DNAI7: variants seen among roughly 807,000 people sequenced by gnomAD.
The protein encoded by DNAI7 is cancer susceptibility 1.
In DNAI7, 78 loss-of-function variants were observed where a neutral mutation model predicts 86.6. The observed-to-expected ratio is 0.90, with a 90% CI of 0.75 to 1.09. The LOEUF is 1.09. Among genes scored for constraint, DNAI7 ranks in the 50% least tolerant of loss-of-function variants. The pLI is 0.00. For missense variants in DNAI7, 753 were observed against 810.2 expected, an observed-to-expected ratio of 0.93 and a Z score of 0.86; for synonymous variants, 274 against 273.0, an observed-to-expected ratio of 1.00 and a Z score of -0.04.
chr12:25,148,448 T>C (rs1172867085), intron 7 of DNAI7, among the ~76,000 whole-genome samples: 2 of 152,226 alleles, frequency 1.3e-5, no homozygotes, highest in Admixed American at 1.3e-4. Flanking sequence ...CAATCTGAGG[T>C]CAAATACTTT....
At chr12:25,159,700 G>A (rs574465653) in intron 3 of DNAI7, among the ~76,000 whole-genome samples, 7 of 152,062 alleles carry the variant, frequency 4.6e-5, no homozygotes, top group Non-Finnish European at 1.0e-4. Context: ...AAAATGTGAA[G>A]TACATATTGA....
intron 9 of DNAI7, among the ~76,000 whole-genome samples, chr12:25,134,902 A>G (rs1210295773): frequency 6.6e-6 from 1 of 152,198 alleles, no homozygotes; most frequent in Non-Finnish European, 1.5e-5. Flanking sequence ...TCAGTATTGT[A>G]GTGGATTCAT....
chr12:25,133,608 G>T (rs191559513), intron 9 of DNAI7, among the ~76,000 whole-genome samples: 1 of 152,090 alleles, frequency 6.6e-6, no homozygotes, highest in African/African-American at 2.4e-5. Context: ...GGGGTTCTTC[G>T]GCTTCTGTGG....
At chr12:25,157,837 AT>A (rs66535304) in intron 4 of DNAI7, among the ~76,000 whole-genome samples, 70,799 of 143,182 alleles carry the variant, frequency 0.49, 16,909 homozygotes, top group East Asian at 0.78. Flanking sequence ...AATATTTTGA[AT>A]TTTTTTTTTT....
chr12:25,123,335 T>A, intron 9 of DNAI7, 49 bp from the exon 10 acceptor site: 1 of 1,267,164 alleles, frequency 7.9e-7, no homozygotes, highest in Non-Finnish European at 1.1e-6. Context: ...GTCTACATAG[T>A]ACAGTCATTG....
At chr12:25,116,209 T>C (rs1323857188) in intron 12 of DNAI7, among the ~76,000 whole-genome samples, 4 of 152,044 alleles carry the variant, frequency 2.6e-5, no homozygotes, top group African/African-American at 9.7e-5. Flanking sequence ...TGGAGGGTTC[T>C]GTTGACAAGT....
At chr12:25,184,133 A>G (rs941329723) in intron 2 of DNAI7, among the ~76,000 whole-genome samples, 3 of 152,234 alleles carry the variant, frequency 2.0e-5, no homozygotes, top group Admixed American at 6.5e-5. Context: ...TATAATTCAC[A>G]TACCATGTAA....
chr12:25,117,934 TTTTC>T (rs199775530), intron 12 of DNAI7, among the ~76,000 whole-genome samples: 1 of 73,672 alleles, frequency 1.4e-5, no homozygotes, highest in African/African-American at 3.0e-5. Flanking sequence ...GATATTTTCT[TTTTC>T]TTTTTTTTTT....
At chr12:25,158,801 A>C in intron 3 of DNAI7, 1 of 632,394 alleles carries the variant, frequency 1.6e-6, no homozygotes, top group Non-Finnish European at 2.4e-6. Flanking sequence ...GACACTTCTC[A>C]AAAGAAGACA....
intron 2 of DNAI7, among the ~76,000 whole-genome samples, chr12:25,181,276 A>C (rs1424950731): frequency 6.6e-6 from 1 of 151,902 alleles, no homozygotes; most frequent in African/African-American, 2.4e-5. Context: ...GCATCTGGCT[A>C]ATTTTTTATT....
chr12:25,176,023 G>A (rs558508106), intron 2 of DNAI7, among the ~76,000 whole-genome samples: 41 of 151,932 alleles, frequency 2.7e-4, no homozygotes, highest in Non-Finnish European at 5.6e-4. Context: ...GAGATTGCAG[G>A]GAGCCGAGAT....
intron 4 of DNAI7, 31 bp downstream of exon 4, chr12:25,158,441 T>C: frequency 6.6e-7 from 1 of 1,515,182 alleles, no homozygotes; most frequent in Non-Finnish European, 9.1e-7. Flanking sequence ...AGTTTAAGTA[T>C]TCATTAAGAA....
chr12:25,187,292 C>T (rs1950119848), intron 2 of DNAI7, among the ~76,000 whole-genome samples: 1 of 152,128 alleles, frequency 6.6e-6, no homozygotes, highest in Non-Finnish European at 1.5e-5. Context: ...ACTCATTCCC[C>T]CAGGTAATTA....
chr12:25,112,694 C>T (rs1939186490), intron 13 of DNAI7, among the ~76,000 whole-genome samples: 1 of 149,952 alleles, frequency 6.7e-6, no homozygotes, highest in Non-Finnish European at 1.5e-5. Context: ...GCGTGAGCCA[C>T]CACACCTAGC....
chr12:25,190,632 C>A lies in DNAI7; in HGVS notation c.4-1G>T. 7.1e-7 allele frequency: 1 copy of A among 1,407,642 alleles called. No homozygotes were observed. The highest frequency in any genetic ancestry group is 9.7e-7 in the Non-Finnish European group (1 of 1,031,220). 87.2% of individuals were successfully genotyped at this position (1,407,642 alleles called of 1,614,324 possible). A position where few individuals can be genotyped will look rare whatever the true frequency, so the allele number is the denominator to read the frequency against. On this transcript the variant is annotated splice_acceptor_variant, in intron 1 of 15. Transcript: ENST00000395987. LOFTEE classifies it high-confidence loss of function. ...TACATACCTTTTTTGCTTTGGGACC[C>A]TAAAAGTTGGAAAACAAAAGAATTG...
chr12:25,156,796 A>G (rs1946232053), intron 4 of DNAI7, among the ~76,000 whole-genome samples: 1 of 152,128 alleles, frequency 6.6e-6, no homozygotes, highest in African/African-American at 2.4e-5. Flanking sequence ...AATGTATGTG[A>G]TTTTTGATAA....
intron 2 of DNAI7, among the ~76,000 whole-genome samples, chr12:25,176,672 A>G (rs1948989755): frequency 6.6e-6 from 1 of 151,984 alleles, no homozygotes; most frequent in Non-Finnish European, 1.5e-5. Context: ...TTCACCTCCT[A>G]TGCCAAAAAT....
At position 25,147,029 on chromosome 12, in the gene DNAI7, C is replaced by T. The variant is rs936969902; in HGVS notation, c.661G>A (p.Val221Met). ...VIKDENVTLY[V>M]WANLKKNPRH... The stretch of plus-strand genomic sequence containing the variant: ...GGATTCTTCTTGAGGTTTGCCCACA[C>T]ATACAGAGTAACATTTTCATCTTTA... Residue 221 changes from valine (V) to methionine (M), a missense_variant, in exon 8 of 16, where the codon GTG becomes ATG. Transcript: ENST00000395987. 2 of 1,600,518 alleles carry T rather than the reference C, an allele frequency of 1.2e-6. No homozygotes were observed. Among genetic ancestry groups the T allele is most frequent in the East Asian group, 4.5e-5 (2 of 44,800 alleles).
chr12:25,179,093 C>T (rs1029897469), intron 2 of DNAI7, among the ~76,000 whole-genome samples: 4 of 151,972 alleles, frequency 2.6e-5, no homozygotes, highest in Admixed American at 6.6e-5. Flanking sequence ...TTTTCCTTAA[C>T]AATAAGTTTA....
Sources: gnomAD v4.1 joint callset for allele counts (sites outside exome capture counted in the v4.1 genomes callset) on GRCh38, gnomAD v4.1.1 for gene constraint, MANE v1.5 for transcripts, NCBI Gene and HGNC (gene_info 2026-07-23, HGNC 2026-07-21) for gene names.